Variants in ZSWIM6 observed in about 807,000 individuals in gnomAD.
ZSWIM6 encodes the protein zinc finger SWIM domain-containing protein 6.
ZSWIM6 carries 9 observed loss-of-function variants against 113.2 expected under a neutral mutation model. That is an observed-to-expected ratio of 0.08 (90% confidence interval 0.05 to 0.14). The LOEUF (loss-of-function observed/expected upper bound fraction) is 0.14, where lower values mean the gene tolerates loss of function less well. Ranked by LOEUF, ZSWIM6 falls within the 10% of genes least tolerant of loss-of-function variation. The probability of loss-of-function intolerance (pLI) is 1.00; values close to 1 mark genes in which losing one functional copy is unlikely to be tolerated. For missense variants in ZSWIM6, 1,162 were observed against 1,552.2 expected, an observed-to-expected ratio of 0.75 and a Z score of 4.22; for synonymous variants, 611 against 606.5, an observed-to-expected ratio of 1.01 and a Z score of -0.11.
At chr5:61,454,160 C>G (rs1747147963) in intron 1 of ZSWIM6, among the ~76,000 whole-genome samples, 1 of 151,876 alleles carries the variant, frequency 6.6e-6, no homozygotes, top group Admixed American at 6.6e-5. Flanking sequence ...TTTTGTTGCT[C>G]AAATACCTGC....
intron 1 of ZSWIM6, among the ~76,000 whole-genome samples, chr5:61,337,929 T>TGG (rs921548629): frequency 7.2e-5 from 11 of 152,260 alleles, no homozygotes; most frequent in African/African-American, 2.6e-4. Context: ...AAATTATCCT[T>TGG]GAGTTTTTAA....
rs1374909290 is a variant in ZSWIM6, at chr5:61,534,838, G to A, written c.2246-646G>A. Among the ~76,000 whole-genome samples, 4 of 152,168 alleles carry A rather than the reference G, an allele frequency of 2.6e-5. No individual in the cohort carries two copies. The East Asian group carries it at 7.7e-4, about 29-fold the overall frequency. ...TTGGCTTTCAGGAGCCCAAAGAATA[G>A]TAAACTTCCAGTTACTTTAATTTTT... is the stretch of plus-strand genomic sequence containing the variant. On this transcript the variant is annotated intron_variant, in intron 9 of 13. Coordinates refer to ENST00000252744, the MANE Select transcript of ZSWIM6 (RefSeq NM_020928.2).
At chr5:61,375,901 G>C (rs1409931000) in intron 1 of ZSWIM6, 14 of 837,388 alleles carry the variant, frequency 1.7e-5, no homozygotes, top group Non-Finnish European at 1.7e-5. Context: ...TGCAATGTCT[G>C]AGGAAATTTC....
chr5:61,402,871 A>G (rs1745966894), intron 1 of ZSWIM6, among the ~76,000 whole-genome samples: 1 of 152,224 alleles, frequency 6.6e-6, no homozygotes, highest in Non-Finnish European at 1.5e-5. Flanking sequence ...TAAATGAATG[A>G]GAGAAATTAA....
intron 1 of ZSWIM6, among the ~76,000 whole-genome samples, chr5:61,377,867 T>C (rs1380607356): frequency 6.6e-6 from 1 of 151,960 alleles, no homozygotes; most frequent in African/African-American, 2.4e-5. Flanking sequence ...AGAACAAATA[T>C]GGAGATTCAT....
At chr5:61,415,331 G>C (rs1022069797) in intron 1 of ZSWIM6, among the ~76,000 whole-genome samples, 3 of 152,218 alleles carry the variant, frequency 2.0e-5, no homozygotes, top group African/African-American at 7.2e-5. Flanking sequence ...AGTGGCTCAT[G>C]CCTGTAATTC....
At chr5:61,512,329 G>A (rs1748811132) in intron 4 of ZSWIM6, among the ~76,000 whole-genome samples, 1 of 152,214 alleles carries the variant, frequency 6.6e-6, no homozygotes, top group African/African-American at 2.4e-5. Context: ...GGTATCCTCT[G>A]TATGAATGTA....
At chr5:61,406,897 G>A (rs1485852610) in intron 1 of ZSWIM6, among the ~76,000 whole-genome samples, 1 of 152,062 alleles carries the variant, frequency 6.6e-6, no homozygotes, top group East Asian at 1.9e-4. Context: ...ATTTTTAGTA[G>A]AGACGGTGTT....
chr5:61,406,666 A>G (rs1242343984), intron 1 of ZSWIM6, among the ~76,000 whole-genome samples: 1 of 151,686 alleles, frequency 6.6e-6, no homozygotes, highest in East Asian at 1.9e-4. Flanking sequence ...GTGGCATATG[A>G]TACTATAATT....
rs1210994238 is a variant in ZSWIM6 at position 61,356,752 on chromosome 5, TTA to T, written c.676+23811_676+23812del. On this transcript the variant is annotated intron_variant, in intron 1 of 13. Transcript: ENST00000252744. ...ATATAATATATATTATATATATATATTATATATAATATGTATAATATATATAT... is the reference window on the plus strand; with the variant it reads ...ATATAATATATATTATATATATATATTATATAATATGTATAATATATATAT... Among the ~76,000 whole-genome samples the T allele has an allele frequency of 6.2e-3, 861 of 138,716 alleles. 5 individuals are homozygous for T. Among genetic ancestry groups the T allele is most frequent in the Non-Finnish European group, 9.6e-3 (630 of 65,372 alleles). The allele number at this position is 138,716 out of a possible 152,430, so 91.0% of individuals were successfully genotyped here. A position where few individuals can be genotyped will look rare whatever the true frequency, so the allele number is the denominator to read the frequency against.
intron 1 of ZSWIM6, among the ~76,000 whole-genome samples, chr5:61,377,775 A>G (rs926239387): frequency 2.0e-5 from 3 of 152,192 alleles, no homozygotes; most frequent in Non-Finnish European, 2.9e-5. Flanking sequence ...ACAGCTCCAC[A>G]AAGATAGACA....
At chr5:61,453,710 A>G (rs1328046347) in intron 1 of ZSWIM6, among the ~76,000 whole-genome samples, 1 of 149,208 alleles carries the variant, frequency 6.7e-6, no homozygotes, top group Non-Finnish European at 1.5e-5. Flanking sequence ...AAGAATAACC[A>G]TGCCTTTTTT....
intron 2 of ZSWIM6, among the ~76,000 whole-genome samples, chr5:61,478,705 TTGTGTGTGTGTGTG>T (rs3067226): frequency 6.8e-6 from 1 of 147,566 alleles, no homozygotes; most frequent in South Asian, 2.1e-4. Flanking sequence ...GTGTGTGTGT[TTGTGTGTGTGTGTG>T]TGTGTGTGTG....
At position 61,545,409 on chromosome 5, in the gene ZSWIM6, T is replaced by C. The variant is rs930676124; in HGVS notation, c.*1092T>C. Reference sequence around the variant, plus strand: ...GCCTTAGCATTAAGAATATACAATATGCCGGAATTGGGGTTCGTGCCTCCT... The same window carrying C: ...GCCTTAGCATTAAGAATATACAATACGCCGGAATTGGGGTTCGTGCCTCCT... On this transcript the variant is annotated 3_prime_UTR_variant, in exon 14 of 14. Transcript: ENST00000252744. 2.6e-5 allele frequency: 4 copies of C among 152,032 alleles called. No homozygotes were observed. Among genetic ancestry groups the C allele is most frequent in the African/African-American group, 9.7e-5 (4 of 41,396 alleles). 9.4% of individuals were successfully genotyped at this position (152,032 alleles called of 1,614,324 possible). A position where few individuals can be genotyped will look rare whatever the true frequency, so the allele number is the denominator to read the frequency against.
intron 1 of ZSWIM6, among the ~76,000 whole-genome samples, chr5:61,417,935 G>C (rs1746288406): frequency 6.6e-6 from 1 of 152,170 alleles, no homozygotes; most frequent in Admixed American, 6.5e-5. Context: ...CAGGATGGTA[G>C]AGTTTTAGAA....
intron 2 of ZSWIM6, among the ~76,000 whole-genome samples, chr5:61,489,259 A>G (rs1322663842): frequency 6.6e-6 from 1 of 151,962 alleles, no homozygotes; most frequent in Non-Finnish European, 1.5e-5. Flanking sequence ...GTGCCATTTC[A>G]TCAAGGTATG....
At chr5:61,466,730 C>T (rs1747444652) in intron 1 of ZSWIM6, among the ~76,000 whole-genome samples, 1 of 152,010 alleles carries the variant, frequency 6.6e-6, no homozygotes, top group Admixed American at 6.5e-5. Context: ...AGTGCATATA[C>T]ATAATATGCA....
intron 2 of ZSWIM6, among the ~76,000 whole-genome samples, chr5:61,476,276 T>C (rs937426046): frequency 6.6e-6 from 1 of 152,162 alleles, no homozygotes; most frequent in African/African-American, 2.4e-5. Context: ...TTCACACACA[T>C]TGTTCTTCAC....
chr5:61,351,661 TGTG>T (rs1744786228), intron 1 of ZSWIM6, among the ~76,000 whole-genome samples: 1 of 152,194 alleles, frequency 6.6e-6, no homozygotes, highest in African/African-American at 2.4e-5. Context: ...CTTGGAAAGT[TGTG>T]GTGATATGAC....
Sources: gnomAD v4.1 joint callset for allele counts (sites outside exome capture counted in the v4.1 genomes callset) on GRCh38, gnomAD v4.1.1 for gene constraint, MANE v1.5 for transcripts, NCBI Gene and HGNC (gene_info 2026-07-23, HGNC 2026-07-21) for gene names.